Variants in ZFYVE9 observed in about 807,000 individuals in gnomAD.
The protein encoded by ZFYVE9 is zinc finger FYVE domain-containing protein 9.
ZFYVE9 carries 43 observed loss-of-function variants against 126.7 expected under a neutral mutation model. The observed-to-expected ratio is 0.34, with a 90% confidence interval of 0.27 to 0.44. The LOEUF (loss-of-function observed/expected upper bound fraction) is 0.44. Among genes scored for constraint, ZFYVE9 ranks in the 20% least tolerant of loss-of-function variants. The probability of loss-of-function intolerance (pLI) is 1.00; values close to 1 mark genes in which losing one functional copy is unlikely to be tolerated. For missense variants in ZFYVE9, 1,476 were observed against 1,697.0 expected, an observed-to-expected ratio of 0.87 and a Z score of 2.29; for synonymous variants, 521 against 597.4, an observed-to-expected ratio of 0.87 and a Z score of 1.87.
At chr1:52,289,004 C>T (rs542905712) in intron 10 of ZFYVE9, among the ~76,000 whole-genome samples, 3 of 151,170 alleles carry the variant, frequency 2.0e-5, no homozygotes, top group African/African-American at 7.3e-5. Context: ...GAAATGGTTC[C>T]ACTTGAGTTG....
intron 10 of ZFYVE9, among the ~76,000 whole-genome samples, chr1:52,284,511 C>G (rs1645835373): frequency 6.6e-6 from 1 of 152,004 alleles, no homozygotes; most frequent in Non-Finnish European, 1.5e-5. Flanking sequence ...GCTCCACCTC[C>G]CAGGTTCACG....
intron 1 of ZFYVE9, among the ~76,000 whole-genome samples, chr1:52,189,124 A>G (rs1644792879): frequency 6.6e-6 from 1 of 151,286 alleles, no homozygotes; most frequent in Non-Finnish European, 1.5e-5. Flanking sequence ...TTTAGTAGAG[A>G]TGGGGTTTCA....
chr1:52,216,654 A>G (rs915572275), intron 2 of ZFYVE9, among the ~76,000 whole-genome samples, 180 bp downstream of exon 2: 11 of 152,188 alleles, frequency 7.2e-5, no homozygotes, highest in Non-Finnish European at 8.8e-5. Context: ...GGGTATTTAA[A>G]AATCACTGTT....
chr1:52,317,944 C>T (rs1258418816), intron 13 of ZFYVE9, among the ~76,000 whole-genome samples: 1 of 152,036 alleles, frequency 6.6e-6, no homozygotes, highest in African/African-American at 2.4e-5. Flanking sequence ...AAGAAAAGTC[C>T]TAGTTCAGAT....
chr1:52,244,964 C>T (rs1645369596), intron 4 of ZFYVE9, among the ~76,000 whole-genome samples: 1 of 152,008 alleles, frequency 6.6e-6, no homozygotes, highest in African/African-American at 2.4e-5. Flanking sequence ...TCGAGACCAG[C>T]CTGGCCAATA....
intron 1 of ZFYVE9, among the ~76,000 whole-genome samples, chr1:52,204,953 G>A (rs556070408): frequency 3.3e-5 from 5 of 152,072 alleles, no homozygotes; most frequent in South Asian, 4.2e-4. Context: ...TTTTCTGCCC[G>A]ACATCTGGTT....
intron 1 of ZFYVE9, among the ~76,000 whole-genome samples, chr1:52,195,304 T>C (rs1644850162): frequency 6.6e-6 from 1 of 152,192 alleles, no homozygotes. Flanking sequence ...ACATACCTAG[T>C]GGTTAAGAAT....
intron 1 of ZFYVE9, among the ~76,000 whole-genome samples, chr1:52,184,007 T>G (rs947467632): frequency 2.0e-5 from 3 of 151,362 alleles, no homozygotes; most frequent in Non-Finnish European, 4.4e-5. Context: ...CTTTTCTTTT[T>G]ATAAAAATAA....
intron 2 of ZFYVE9, among the ~76,000 whole-genome samples, chr1:52,224,193 T>C (rs1044235915): frequency 2.0e-5 from 3 of 152,150 alleles, no homozygotes; most frequent in Non-Finnish European, 4.4e-5. Context: ...CTATTTCCCA[T>C]TGGAGCTTTC....
intron 4 of ZFYVE9, among the ~76,000 whole-genome samples, chr1:52,249,681 A>G (rs755431195): frequency 6.6e-6 from 1 of 152,144 alleles, no homozygotes; most frequent in Non-Finnish European, 1.5e-5. Flanking sequence ...GTGTCATATC[A>G]AAGAAATCAT....
intron 1 of ZFYVE9, among the ~76,000 whole-genome samples, chr1:52,158,702 C>G (rs1284402492): frequency 6.6e-6 from 1 of 152,128 alleles, no homozygotes; most frequent in Non-Finnish European, 1.5e-5. Context: ...TGTGAGCTAC[C>G]AAAGAGCCCT....
intron 11 of ZFYVE9, 120 bp downstream of exon 11, chr1:52,293,797 AT>A: frequency 1.0e-6 from 1 of 1,002,396 alleles, no homozygotes; most frequent in Non-Finnish European, 1.5e-6. Context: ...GCTAAACTAA[AT>A]TTGGCCAGTG....
intron 2 of ZFYVE9, among the ~76,000 whole-genome samples, chr1:52,222,480 C>G (rs1032646671): frequency 6.6e-6 from 1 of 152,206 alleles, no homozygotes; most frequent in Non-Finnish European, 1.5e-5. Context: ...TTGGGAACAA[C>G]AGGGTGGGCG....
chr1:52,150,771 TAA>T (rs796794662), intron 1 of ZFYVE9, among the ~76,000 whole-genome samples: 25 of 134,874 alleles, frequency 1.9e-4, no homozygotes, highest in Non-Finnish European at 1.8e-4. Context: ...CATACTGTCT[TAA>T]AAAAAAAAAA....
chr1:52,277,517 T>C (rs916468605), intron 8 of ZFYVE9, among the ~76,000 whole-genome samples: 1 of 152,194 alleles, frequency 6.6e-6, no homozygotes, highest in African/African-American at 2.4e-5. Flanking sequence ...TTAAAAAATT[T>C]TAAACTCAGG....
chr1:52,160,565 A>G, intron 1 of ZFYVE9: 2 of 751,618 alleles, frequency 2.7e-6, no homozygotes, highest in Admixed American at 3.6e-5. Context: ...TGCTCTCATG[A>G]CCTTCACATT....
At chr1:52,178,893 C>T (rs553216178) in intron 1 of ZFYVE9, among the ~76,000 whole-genome samples, 33 of 152,056 alleles carry the variant, frequency 2.2e-4, no homozygotes, top group Non-Finnish European at 4.4e-4. Flanking sequence ...GGAGCCTCGA[C>T]CTCTTGGCCC....
intron 1 of ZFYVE9, among the ~76,000 whole-genome samples, chr1:52,151,673 A>C (rs1173239068): frequency 6.6e-6 from 1 of 150,816 alleles, no homozygotes; most frequent in Non-Finnish European, 1.5e-5. Flanking sequence ...CCACCACTAC[A>C]CCTGGCTAAT....
At chr1:52,259,225 A>G (rs921398667) in intron 4 of ZFYVE9, among the ~76,000 whole-genome samples, 6 of 152,022 alleles carry the variant, frequency 3.9e-5, no homozygotes, top group Admixed American at 3.9e-4. Flanking sequence ...TGCCTCTTTT[A>G]TAAGGGTATC....
Sources: gnomAD v4.1 joint callset for allele counts (sites outside exome capture counted in the v4.1 genomes callset) on GRCh38, gnomAD v4.1.1 for gene constraint, MANE v1.5 for transcripts, NCBI Gene and HGNC (gene_info 2026-07-23, HGNC 2026-07-21) for gene names.